SOX5: variants seen among roughly 807,000 people sequenced by gnomAD.
SOX5 encodes the protein SRY-box transcription factor 5.
In SOX5, 9 loss-of-function variants were observed where a neutral mutation model predicts 92.0. The ratio of observed to expected loss-of-function variants is 0.10; its 90% CI spans 0.06 to 0.17. The LOEUF is 0.17. Ranked by LOEUF, SOX5 falls within the 10% of genes least tolerant of loss-of-function variation. The probability of loss-of-function intolerance (pLI) is 1.00; values close to 1 mark genes in which losing one functional copy is unlikely to be tolerated. For missense variants in SOX5, 642 were observed against 944.5 expected (o/e 0.68, Z 4.20); for synonymous variants, 344 against 336.3 (o/e 1.02, Z -0.25).
chr12:23,940,065 C>T (rs1372144647), intron 1 of SOX5, among the ~76,000 whole-genome samples: 2 of 151,076 alleles, frequency 1.3e-5, no homozygotes, highest in Non-Finnish European at 3.0e-5. Context: ...TTCTTTTATC[C>T]TTATAAACAG....
At chr12:24,127,691 G>A (rs1363139959) in intron 4 of SOX5, among the ~76,000 whole-genome samples, 1 of 151,958 alleles carries the variant, frequency 6.6e-6, no homozygotes, top group Non-Finnish European at 1.5e-5. Context: ...TGCCTCCCCA[G>A]TGAGATAAAA....
intron 4 of SOX5, among the ~76,000 whole-genome samples, chr12:24,207,985 G>C (rs1219299573): frequency 6.6e-6 from 1 of 152,068 alleles, no homozygotes; most frequent in Non-Finnish European, 1.5e-5. Context: ...GAATAAATCA[G>C]TAAAAACAAA....
At chr12:23,956,107 T>A (rs990051431) in intron 4 of SOX5, among the ~76,000 whole-genome samples, 4 of 152,212 alleles carry the variant, frequency 2.6e-5, no homozygotes, top group African/African-American at 7.2e-5. Flanking sequence ...GTTTGAAAAA[T>A]TTCCTTCATT....
At chr12:24,272,515 T>C (rs150562799) in intron 3 of SOX5, among the ~76,000 whole-genome samples, 1 of 152,184 alleles carries the variant, frequency 6.6e-6, no homozygotes, top group Non-Finnish European at 1.5e-5. Context: ...ATGTATTTTA[T>C]ATCACATTAA....
chr12:24,274,340 TTGAAACTTCAATCATTTATAAAG>T (rs1269800833), intron 3 of SOX5, among the ~76,000 whole-genome samples: 3 of 152,238 alleles, frequency 2.0e-5, no homozygotes, highest in African/African-American at 7.2e-5. Context: ...TCCTATTGAA[TTGAAACTTCAATCATTTATAAAG>T]TGACTCTATC....
intron 2 of SOX5, among the ~76,000 whole-genome samples, chr12:23,848,952 C>G (rs1359130422): frequency 6.6e-6 from 1 of 152,050 alleles, no homozygotes; most frequent in South Asian, 2.1e-4. Context: ...ATCTTTGCAA[C>G]CAATAGAAAA....
chr12:24,430,315 G>A (rs1221957479), intron 1 of SOX5, among the ~76,000 whole-genome samples: 2 of 152,072 alleles, frequency 1.3e-5, no homozygotes, highest in Non-Finnish European at 2.9e-5. Flanking sequence ...ATACCATTAT[G>A]AAAGTGGTAA....
intron 3 of SOX5, among the ~76,000 whole-genome samples, chr12:23,773,695 A>G (rs528959352): frequency 1.3e-5 from 2 of 152,156 alleles, no homozygotes; most frequent in African/African-American, 4.8e-5. Flanking sequence ...TTTAAGTTAA[A>G]ACTTGTCGCT....
chr12:23,674,473 G>GA (rs1268622951), intron 6 of SOX5, among the ~76,000 whole-genome samples: 59 of 151,510 alleles, frequency 3.9e-4, no homozygotes, highest in Admixed American at 3.6e-3. Flanking sequence ...GAGTAGCTGG[G>GA]ATCACAGGCA....
chr12:24,215,712 T>A (rs1959114351), intron 3 of SOX5, among the ~76,000 whole-genome samples: 1 of 151,782 alleles, frequency 6.6e-6, no homozygotes, highest in South Asian at 2.1e-4. Context: ...CTTATCAAAA[T>A]CCCAGTTGGC....
chr12:23,540,503 A>G (rs1941774631), intron 13 of SOX5, among the ~76,000 whole-genome samples: 1 of 152,134 alleles, frequency 6.6e-6, no homozygotes, highest in Non-Finnish European at 1.5e-5. Context: ...AATAAGGTCC[A>G]ACGATTATTC....
intron 1 of SOX5, among the ~76,000 whole-genome samples, chr12:24,543,830 T>C (rs1430530941): frequency 6.6e-6 from 1 of 152,206 alleles, no homozygotes; most frequent in Non-Finnish European, 1.5e-5. Flanking sequence ...AGATCATTTG[T>C]ACGTATATTT....
intron 4 of SOX5, among the ~76,000 whole-genome samples, chr12:24,176,888 T>C (rs1020441517): frequency 6.6e-6 from 1 of 152,228 alleles, no homozygotes; most frequent in East Asian, 1.9e-4. Context: ...TGATGATTAC[T>C]TGTCCACCAA....
At position 24,469,564 on chromosome 12, in the gene SOX5, CAG is replaced by C. The variant is rs1269093547; in HGVS notation, c.-251+92763_-251+92764del. On this transcript the variant is annotated intron_variant, in intron 1 of 4. Coordinates refer to the SOX5 transcript ENST00000446891. ...CTTTAGATATTCCATTGTACAAAAA[CAG>C]AGAGAACCACTTTCTATGACGCCCC... 2.0e-5 allele frequency among the ~76,000 whole-genome samples: 3 copies of C among 152,134 alleles called. No homozygotes were observed. In the South Asian group the frequency reaches 6.2e-4, roughly 32 times the overall value.
At chr12:24,157,353 T>C (rs192765197) in intron 4 of SOX5, among the ~76,000 whole-genome samples, 3 of 152,252 alleles carry the variant, frequency 2.0e-5, no homozygotes, top group African/African-American at 4.8e-5. Context: ...AAGTTCAAGG[T>C]AGGTGAAATA....
chr12:24,182,407 T>G (rs1456443432), intron 4 of SOX5, among the ~76,000 whole-genome samples: 1 of 152,186 alleles, frequency 6.6e-6, no homozygotes, highest in African/African-American at 2.4e-5. Flanking sequence ...AGTCCACATA[T>G]TTCAAGATCA....
intron 4 of SOX5, among the ~76,000 whole-genome samples, chr12:24,162,888 G>A (rs991769281): frequency 3.3e-5 from 5 of 152,138 alleles, no homozygotes; most frequent in African/African-American, 9.6e-5. Context: ...AGAGAAGGGT[G>A]ACCCAGATGA....
Position 23,875,286 on chromosome 12 carries a change from T to TAA in SOX5, c.270+20505_270+20506dup, listed in dbSNP as rs71059940. Among the ~76,000 whole-genome samples, 4 of 152,032 alleles carry TAA rather than the reference T, an allele frequency of 2.6e-5. No homozygotes were observed. The South Asian group carries it at 6.2e-4, about 24-fold the overall frequency. On this transcript the variant is annotated intron_variant, in intron 2 of 14. Coordinates refer to ENST00000451604, the MANE Select transcript of SOX5 (RefSeq NM_006940.6). ...AAGAGAAATTGTATATTAAACTTGC[T>TAA]AAAAAAATTCAAAGATTAAAGAGAA... is the stretch of plus-strand genomic sequence containing the variant.
chr12:24,284,106 C>G (rs1302397682), intron 2 of SOX5, among the ~76,000 whole-genome samples: 1 of 152,156 alleles, frequency 6.6e-6, no homozygotes, highest in Non-Finnish European at 1.5e-5. Context: ...GTCCCCAATC[C>G]CACAAAATTA....
Sources: gnomAD v4.1 joint callset for allele counts (sites outside exome capture counted in the v4.1 genomes callset) on GRCh38, gnomAD v4.1.1 for gene constraint, MANE v1.5 for transcripts, NCBI Gene and HGNC (gene_info 2026-07-23, HGNC 2026-07-21) for gene names.